Variants in CABIN1 observed in about 807,000 individuals in gnomAD.
CABIN1 encodes the protein calcineurin-binding protein cabin-1.
In CABIN1, 133 loss-of-function variants were observed where a neutral mutation model predicts 227.7. The observed-to-expected ratio is 0.58, with a 90% confidence interval of 0.51 to 0.67. The LOEUF (loss-of-function observed/expected upper bound fraction) is 0.67, where lower values mean the gene tolerates loss of function less well. Ranked by LOEUF, CABIN1 falls within the 30% of genes least tolerant of loss-of-function variation. The probability of loss-of-function intolerance (pLI) is 0.00; values close to 1 mark genes in which losing one functional copy is unlikely to be tolerated. For missense variants in CABIN1, 2,408 were observed against 2,852.5 expected, an observed-to-expected ratio of 0.84 and a Z score of 3.55; for synonymous variants, 1,086 against 1,155.1, an observed-to-expected ratio of 0.94 and a Z score of 1.21.
chr22:24,025,990 C>T (rs1436142875), intron 1 of CABIN1, among the ~76,000 whole-genome samples: 14 of 152,170 alleles, frequency 9.2e-5, no homozygotes, highest in Admixed American at 5.2e-4. Flanking sequence ...TGTGCCTCCA[C>T]GCCCAGCTAA....
Position 24,124,998 on chromosome 22 carries a change from A to G in CABIN1, c.4632+5300A>G, listed in dbSNP as rs188208257. On this transcript the variant is annotated intron_variant, in intron 28 of 36. Coordinates refer to ENST00000263119, the MANE Select transcript of CABIN1 (RefSeq NM_012295.4). Reference sequence around the variant, plus strand: ...AAAACAGTATGGAATATTAGCCTTAAAAAGGGGGGAAATTCGGTCACATCA... The same window carrying G: ...AAAACAGTATGGAATATTAGCCTTAGAAAGGGGGGAAATTCGGTCACATCA... Among the ~76,000 whole-genome samples the G allele has an allele frequency of 3.4e-3, 516 of 152,314 alleles. 7 individuals are homozygous for G. The highest frequency in any genetic ancestry group is 2.6e-3 in the Non-Finnish European group (177 of 68,012).
At chr22:24,051,815 A>G (rs1189974305) in intron 8 of CABIN1, among the ~76,000 whole-genome samples, 1 of 152,090 alleles carries the variant, frequency 6.6e-6, no homozygotes, top group Non-Finnish European at 1.5e-5. Context: ...ATGACAAAAC[A>G]TGTAGGGCTA....
intron 1 of CABIN1, among the ~76,000 whole-genome samples, chr22:24,015,270 CAAAAAAA>C (rs1199906542): frequency 3.9e-5 from 2 of 50,712 alleles, no homozygotes; most frequent in East Asian, 7.9e-4. Context: ...AATCCATCTC[CAAAAAAA>C]AAAAAAAAAA....
chr22:24,079,667 CT>C (rs1417569335), intron 19 of CABIN1, among the ~76,000 whole-genome samples: 1 of 152,060 alleles, frequency 6.6e-6, no homozygotes, highest in African/African-American at 2.4e-5. Flanking sequence ...GATTGAATAT[CT>C]TTTTATGCCT....
At chr22:24,021,740 C>G (rs1396213279) in intron 1 of CABIN1, among the ~76,000 whole-genome samples, 3 of 152,120 alleles carry the variant, frequency 2.0e-5, no homozygotes, top group Non-Finnish European at 2.9e-5. Context: ...GAGCCTCACT[C>G]TGTTGCCCCA....
intron 29 of CABIN1, among the ~76,000 whole-genome samples, chr22:24,157,464 G>A (rs1384335306): frequency 1.3e-5 from 2 of 152,204 alleles, no homozygotes; most frequent in Non-Finnish European, 2.9e-5. Flanking sequence ...GCCGGGTAGA[G>A]TGCAAAGAGC....
At chr22:24,100,696 C>G (rs767618283) in intron 26 of CABIN1, among the ~76,000 whole-genome samples, 1 of 152,124 alleles carries the variant, frequency 6.6e-6, no homozygotes, top group Non-Finnish European at 1.5e-5. Context: ...ACGGGGAGGT[C>G]AGATGGGGAG....
In CABIN1 at chr22:24,119,501, G is replaced by A. The variant is rs769970412; in HGVS notation, c.4435G>A (p.Asp1479Asn). The A allele has an allele frequency of 1.2e-6, 2 of 1,613,974 alleles. No individual in the cohort carries two copies. Among genetic ancestry groups the A allele is most frequent in the Admixed American group, 3.3e-5 (2 of 60,016 alleles). ...CTCAGCATCCACACCCACCCTGTGG[G>A]ATGGGAAGAAGAGAGGGGACCTCCC... ...KPSASTPTLW[D>N]GKKRGDLPGE... The change falls in exon 28 of 37, where the codon GAT (aspartate) becomes AAT (asparagine). Residue 1479 changes from aspartate (D) to asparagine (N), a missense_variant. By Grantham distance (23) the Asp-to-Asn change is conservative. This residue lies in a region of CABIN1 where 649 missense variants were observed against 910.3 expected (regional missense o/e 0.71). Coordinates refer to ENST00000263119, the MANE Select transcript of CABIN1 (RefSeq NM_012295.4).
intron 21 of CABIN1, 72 bp from the exon 22 acceptor site, chr22:24,084,934 A>G (rs1302200150): frequency 1.3e-6 from 2 of 1,598,392 alleles, no homozygotes; most frequent in African/African-American, 1.3e-5. Context: ...GTGACTAAAC[A>G]GTCCTGGGTT....
intron 4 of CABIN1, among the ~76,000 whole-genome samples, chr22:24,040,371 C>G (rs1274515251): frequency 6.6e-6 from 1 of 152,158 alleles, no homozygotes; most frequent in South Asian, 2.1e-4. Context: ...CTTACCTGTT[C>G]AGAACATGAA....
At chr22:24,086,445 C>T (rs1317931799) in intron 22 of CABIN1, among the ~76,000 whole-genome samples, 2 of 152,246 alleles carry the variant, frequency 1.3e-5, no homozygotes, top group Non-Finnish European at 2.9e-5. Context: ...GCAACCCTGC[C>T]ACAGAGGCGT....
chr22:24,101,661 G>C (rs4820582), intron 26 of CABIN1: 37,884 of 152,188 alleles, frequency 0.25, 5,666 homozygotes, highest in African/African-American at 0.41. Context: ...CCTAACTTCT[G>C]CCTTCCGTCA....
Position 24,130,881 on chromosome 22 carries a change from T to C in CABIN1, c.4633-3421T>C, listed in dbSNP as rs570033100. The stretch of plus-strand genomic sequence containing the variant: ...TAGCCAGGTCTGCAGGAAGCTAATT[T>C]ATAATCCAGGTTGGGTTTGACAGGC... On this transcript the variant is annotated intron_variant, in intron 28 of 36. Coordinates refer to ENST00000263119, the MANE Select transcript of CABIN1 (RefSeq NM_012295.4). Among the ~76,000 whole-genome samples the C allele has an allele frequency of 4.6e-5, 7 of 152,342 alleles. No individual in the cohort carries two copies. In the East Asian group the frequency reaches 1.3e-3, roughly 29 times the overall value.
intron 26 of CABIN1, among the ~76,000 whole-genome samples, chr22:24,100,488 C>A (rs571487862): frequency 2.1e-4 from 32 of 152,360 alleles, no homozygotes; most frequent in African/African-American, 6.7e-4. Context: ...CACTGCCCAC[C>A]TCTGTTCCTG....
At position 24,061,874 on chromosome 22, in the gene CABIN1, A is replaced by G. The variant is rs568073292; in HGVS notation, c.1618-73A>G. On this transcript the variant is annotated intron_variant, in intron 12 of 36. Coordinates refer to ENST00000263119, the MANE Select transcript of CABIN1 (RefSeq NM_012295.4). ...AAAAAGTATAGTTTTGTTTCCTTCC[A>G]CAGCCCCCTACCCCCCACACTGTGA... 170 of 1,076,974 alleles carry G rather than the reference A, an allele frequency of 1.6e-4. No homozygotes were observed. In the African/African-American group the frequency reaches 2.4e-3, roughly 15 times the overall value. The allele number at this position is 1,076,974 out of a possible 1,614,324, so 66.7% of individuals were successfully genotyped here. A position where few individuals can be genotyped will look rare whatever the true frequency, so the allele number is the denominator to read the frequency against.
intron 3 of CABIN1, among the ~76,000 whole-genome samples, chr22:24,037,131 A>T (rs879553225): frequency 6.6e-6 from 1 of 151,914 alleles, no homozygotes; most frequent in Non-Finnish European, 1.5e-5. Context: ...GTGGTGGTGC[A>T]TGTCTGTAGT....
intron 6 of CABIN1, among the ~76,000 whole-genome samples, chr22:24,046,725 T>C (rs1334251513): frequency 2.0e-5 from 3 of 152,150 alleles, no homozygotes; most frequent in Non-Finnish European, 4.4e-5. Flanking sequence ...AGCTGACAAG[T>C]TCCAAGATTT....
chr22:24,174,962 G>C (rs1212768263), intron 34 of CABIN1, among the ~76,000 whole-genome samples: 1 of 152,174 alleles, frequency 6.6e-6, no homozygotes, highest in Non-Finnish European at 1.5e-5. Context: ...TAGGGGGCTA[G>C]AGACTGCCTG....
chr22:24,035,310 G>A (rs773309160), intron 1 of CABIN1, 134 bp from the exon 2 acceptor site: 14 of 641,964 alleles, frequency 2.2e-5, no homozygotes, highest in African/African-American at 1.1e-4. Flanking sequence ...AGACCACACC[G>A]CTGTCCCAAG....
Sources: gnomAD v4.1 joint callset for allele counts (sites outside exome capture counted in the v4.1 genomes callset) on GRCh38, gnomAD v4.1.1 for gene constraint, gnomAD v4.1.1 regional missense constraint, MANE v1.5 for transcripts, NCBI Gene and HGNC (gene_info 2026-07-23, HGNC 2026-07-21) for gene names.